Variants in GRM7 observed in about 807,000 individuals in gnomAD.
GRM7 encodes the protein glutamate metabotropic receptor 7.
A neutral mutation model predicts 84.5 loss-of-function variants in GRM7; 35 were observed. That is an observed-to-expected ratio of 0.41 (90% CI 0.32 to 0.55). The LOEUF is 0.55. Ranked by LOEUF, GRM7 falls within the 20% of genes least tolerant of loss-of-function variation. The pLI, the probability that GRM7 is intolerant of heterozygous loss-of-function variation, is 0.19. For synonymous variants in GRM7, 487 were observed against 455.1 expected, an observed-to-expected ratio of 1.07 and a Z score of -0.89; for missense variants, 1,003 against 1,194.6, an observed-to-expected ratio of 0.84 and a Z score of 2.36.
chr3:6,873,476 G>A (rs11919505), intron 1 of GRM7, among the ~76,000 whole-genome samples: 2,599 of 152,232 alleles, frequency 0.017, 84 homozygotes, highest in African/African-American at 0.06. Flanking sequence ...AACCATGTGA[G>A]CTTCAGCAAT....
chr3:7,561,390 A>G (rs549629186), intron 7 of GRM7: 2 of 353,746 alleles, frequency 5.7e-6, no homozygotes, highest in African/African-American at 2.1e-5. Flanking sequence ...GGTGTTTCTC[A>G]TGTCTGTATT....
intron 2 of GRM7, among the ~76,000 whole-genome samples, chr3:7,228,384 A>T (rs1697052149): frequency 6.6e-6 from 1 of 152,240 alleles, no homozygotes; most frequent in Admixed American, 6.5e-5. Flanking sequence ...TATTGGAAGA[A>T]TAAAGGATTG....
chr3:7,011,749 A>AT lies in GRM7; in HGVS notation c.520-134702dup, dbSNP rs1695375430. Among the ~76,000 whole-genome samples, 7 of 152,200 alleles carry AT rather than the reference A, an allele frequency of 4.6e-5. No homozygotes were observed. The South Asian group carries it at 1.4e-3, about 32-fold the overall frequency. On this transcript the variant is annotated intron_variant, in intron 1 of 9. Transcript: ENST00000357716. ...GGCAGAGTTACCTATACTGAGAACC[A>AT]TGTGTATGATAATGGAAGTCTCTTT...
chr3:7,738,133 G>A (rs1332003035), intron 9 of GRM7, among the ~76,000 whole-genome samples: 1 of 152,140 alleles, frequency 6.6e-6, no homozygotes, highest in East Asian at 1.9e-4. Flanking sequence ...ACAGGCATGA[G>A]CAACCATACC....
chr3:7,542,399 T>G (rs1692923895), intron 7 of GRM7, among the ~76,000 whole-genome samples: 1 of 152,180 alleles, frequency 6.6e-6, no homozygotes, highest in Non-Finnish European at 1.5e-5. Flanking sequence ...TTCCATGGAC[T>G]TCCTATAGCC....
intron 3 of GRM7, among the ~76,000 whole-genome samples, chr3:7,302,187 T>G (rs1462541350): frequency 2.0e-5 from 3 of 152,120 alleles, no homozygotes; most frequent in African/African-American, 7.2e-5. Flanking sequence ...AAACAATAAT[T>G]TTAAATAATC....
intron 8 of GRM7, among the ~76,000 whole-genome samples, chr3:7,672,950 A>G (rs1346077577): frequency 6.6e-6 from 1 of 152,132 alleles, no homozygotes. Context: ...TCCCCCTAAA[A>G]CAGGCTGTTG....
chr3:7,435,674 G>C (rs1166548418), intron 5 of GRM7, among the ~76,000 whole-genome samples: 2 of 123,802 alleles, frequency 1.6e-5, no homozygotes, highest in African/African-American at 3.1e-5. Context: ...CACCACATCC[G>C]GCTAGTTTTT....
At chr3:7,209,395 G>C (rs1172656190) in intron 2 of GRM7, among the ~76,000 whole-genome samples, 1 of 152,146 alleles carries the variant, frequency 6.6e-6, no homozygotes, top group Non-Finnish European at 1.5e-5. Context: ...ATGAAGTGGA[G>C]GATCCAAGTT....
At chr3:6,932,785 C>T (rs1697553788) in intron 1 of GRM7, among the ~76,000 whole-genome samples, 1 of 131,926 alleles carries the variant, frequency 7.6e-6, no homozygotes, top group Non-Finnish European at 1.5e-5. Flanking sequence ...GACAGAGTCT[C>T]GCCCTGTCAG....
intron 3 of GRM7, among the ~76,000 whole-genome samples, chr3:7,304,241 A>C (rs773346421): frequency 1.3e-5 from 2 of 150,242 alleles, no homozygotes; most frequent in Non-Finnish European, 3.0e-5. Context: ...TTGTGTGTTA[A>C]ATGTTAAAAT....
chr3:7,507,822 C>T (rs2122417), intron 7 of GRM7, among the ~76,000 whole-genome samples: 19,443 of 152,102 alleles, frequency 0.13, 2,147 homozygotes, highest in African/African-American at 0.3. Context: ...TCAAACAAGA[C>T]AGAATGCTTA....
At chr3:7,527,502 T>A (rs1314099623) in intron 7 of GRM7, among the ~76,000 whole-genome samples, 2 of 152,070 alleles carry the variant, frequency 1.3e-5, no homozygotes, top group Non-Finnish European at 2.9e-5. Flanking sequence ...CTTTTCCTGT[T>A]TGGATGCCTT....
intron 2 of GRM7, among the ~76,000 whole-genome samples, chr3:7,243,967 A>G (rs1345448850): frequency 6.6e-6 from 1 of 152,118 alleles, no homozygotes; most frequent in African/African-American, 2.4e-5. Flanking sequence ...AAAAAACAGT[A>G]CACTTGTGTG....
intron 1 of GRM7, among the ~76,000 whole-genome samples, chr3:6,933,009 C>T (rs1697564254): frequency 1.3e-5 from 2 of 151,938 alleles, no homozygotes; most frequent in African/African-American, 4.8e-5. Flanking sequence ...CCTGCCTTGG[C>T]CTCCCAAAGT....
chr3:7,127,299 A>G (rs1336704322), intron 1 of GRM7, among the ~76,000 whole-genome samples: 2 of 152,228 alleles, frequency 1.3e-5, no homozygotes, highest in Non-Finnish European at 2.9e-5. Context: ...ATCTTCCGCA[A>G]GATGATTCCA....
chr3:6,934,925 G>A (rs1697635750), intron 1 of GRM7, among the ~76,000 whole-genome samples: 1 of 152,154 alleles, frequency 6.6e-6, no homozygotes, highest in South Asian at 2.1e-4. Context: ...AAACAATAAT[G>A]GGCTAATCAT....
intron 1 of GRM7, among the ~76,000 whole-genome samples, chr3:6,968,062 G>A (rs2323876): frequency 0.06 from 9,143 of 152,268 alleles, 533 homozygotes; most frequent in African/African-American, 0.14. Flanking sequence ...CAAACTGGGT[G>A]GGCTTGAACA....
intron 2 of GRM7, among the ~76,000 whole-genome samples, chr3:7,160,363 A>G (rs1486993515): frequency 4.6e-5 from 7 of 152,154 alleles, no homozygotes; most frequent in Middle Eastern, 3.2e-3. Flanking sequence ...GTTTATGAAC[A>G]TGTCAGAGGA....
Sources: gnomAD v4.1 joint callset for allele counts (sites outside exome capture counted in the v4.1 genomes callset) on GRCh38, gnomAD v4.1.1 for gene constraint, MANE v1.5 for transcripts, NCBI Gene and HGNC (gene_info 2026-07-23, HGNC 2026-07-21) for gene names.